The following FOXP1 variants were observed in gnomAD, a reference collection of about 807,000 sequenced individuals.
FOXP1 encodes forkhead box protein P1.
Under a neutral mutation model 98.2 loss-of-function variants are expected in FOXP1, and 15 were observed. The ratio of observed to expected loss-of-function variants is 0.15; its 90% confidence interval spans 0.10 to 0.24. The LOEUF (loss-of-function observed/expected upper bound fraction) is 0.24. Ranked by LOEUF, FOXP1 falls within the 10% of genes least tolerant of loss-of-function variation. The probability of loss-of-function intolerance (pLI) is 1.00; values close to 1 mark genes in which losing one functional copy is unlikely to be tolerated. For synonymous variants in FOXP1, 371 were observed against 314.5 expected (o/e 1.18, Z -1.90); for missense variants, 633 against 848.5 (o/e 0.75, Z 3.15).
intron 6 of FOXP1, among the ~76,000 whole-genome samples, chr3:71,195,590 C>A (rs1338254089): frequency 1.3e-5 from 2 of 152,208 alleles, no homozygotes; most frequent in Non-Finnish European, 2.9e-5. Context: ...AAAGCTGTAA[C>A]CCCTGTTGTC....
chr3:71,102,071 G>A (rs2057015382), intron 7 of FOXP1, among the ~76,000 whole-genome samples: 1 of 152,100 alleles, frequency 6.6e-6, no homozygotes, highest in Admixed American at 6.6e-5. Context: ...AATTTACCGG[G>A]CAATAATTTC....
chr3:71,205,508 T>TAA (rs138549754), intron 5 of FOXP1, among the ~76,000 whole-genome samples: 1 of 150,890 alleles, frequency 6.6e-6, no homozygotes, highest in Admixed American at 6.6e-5. Context: ...AAGCATGTTT[T>TAA]AAAAAAAAAC....
At chr3:71,045,086 C>T (rs570205132) in intron 10 of FOXP1, among the ~76,000 whole-genome samples, 11 of 152,306 alleles carry the variant, frequency 7.2e-5, no homozygotes, top group African/African-American at 2.6e-4. Context: ...GTTCACTTTA[C>T]TGCAAGAACC....
intron 5 of FOXP1, among the ~76,000 whole-genome samples, chr3:71,208,964 A>G (rs1460060796): frequency 6.6e-6 from 1 of 152,222 alleles, no homozygotes; most frequent in Non-Finnish European, 1.5e-5. Context: ...TTGGAGACCA[A>G]GCCTGCTTGT....
chr3:70,972,697 A>G, intron 17 of FOXP1, 21 bp from the exon 18 acceptor site: 1 of 1,613,278 alleles, frequency 6.2e-7, no homozygotes, highest in Non-Finnish European at 8.5e-7. Context: ...TATAAAAGAG[A>G]GAACATTTAC....
At chr3:71,204,874 C>G (rs2063919265) in intron 5 of FOXP1, among the ~76,000 whole-genome samples, 1 of 152,212 alleles carries the variant, frequency 6.6e-6, no homozygotes, top group African/African-American at 2.4e-5. Context: ...TACAGACACA[C>G]CATTTGTCTA....
intron 7 of FOXP1, among the ~76,000 whole-genome samples, chr3:71,111,256 T>A (rs2057895255): frequency 6.6e-6 from 1 of 152,206 alleles, no homozygotes; most frequent in Admixed American, 6.5e-5. Flanking sequence ...GATGCCCACC[T>A]TCAGCTATGA....
chr3:71,130,609 G>T, intron 6 of FOXP1: 1 of 1,598,236 alleles, frequency 6.3e-7, no homozygotes, highest in Non-Finnish European at 8.5e-7. Flanking sequence ...TTGCCGAGTG[G>T]TAAAAAAGAT....
chr3:71,238,385 C>A (rs529467842), intron 5 of FOXP1, among the ~76,000 whole-genome samples: 1 of 152,184 alleles, frequency 6.6e-6, no homozygotes, highest in Non-Finnish European at 1.5e-5. Context: ...ACACTACTGC[C>A]GTTCAATAAA....
chr3:71,388,862 C>G (rs1363779547), intron 3 of FOXP1, among the ~76,000 whole-genome samples: 1 of 152,078 alleles, frequency 6.6e-6, no homozygotes. Flanking sequence ...AATGTTCTGA[C>G]CCTAAATCTA....
rs1463464876 is a variant in FOXP1, at chr3:71,152,658, TGACTCTC to T, written c.181-40028_181-40022del. On this transcript the variant is annotated intron_variant, in intron 6 of 20. Transcript: ENST00000649528. ...GTTCTATGACCTTGAGGAAGTAACC[TGACTCTC>T]TGAGGCTCTGTTTCCTTATCTGAAA... 9.9e-5 allele frequency among the ~76,000 whole-genome samples: 15 copies of T among 152,228 alleles called. 1 individual carries two copies. The East Asian group carries it at 1.2e-3, about 12-fold the overall frequency.
chr3:71,461,855 T>TGTAA (rs1356052125), intron 3 of FOXP1, among the ~76,000 whole-genome samples: 1 of 150,856 alleles, frequency 6.6e-6, no homozygotes, highest in African/African-American at 2.4e-5. Context: ...ACCACAGGTC[T>TGTAA]CTGGTATCAC....
chr3:71,318,238 A>G (rs1415490699), intron 4 of FOXP1, among the ~76,000 whole-genome samples: 3 of 151,740 alleles, frequency 2.0e-5, no homozygotes, highest in Non-Finnish European at 4.4e-5. Context: ...AGAAGGAACA[A>G]GTCCCCTCTT....
At chr3:71,040,303 T>TA (rs1235360373) in intron 11 of FOXP1, 1 of 152,186 alleles carries the variant, frequency 6.6e-6, no homozygotes, top group African/African-American at 2.4e-5. Context: ...CCATTTTTAT[T>TA]AAAAAACACA....
At chr3:71,461,944 A>T (rs1269255239) in intron 3 of FOXP1, among the ~76,000 whole-genome samples, 1 of 152,186 alleles carries the variant, frequency 6.6e-6, no homozygotes, top group Non-Finnish European at 1.5e-5. Context: ...GAGAGAACTT[A>T]ACCCTCCCCA....
intron 3 of FOXP1, among the ~76,000 whole-genome samples, chr3:71,409,625 T>C (rs1249625470): frequency 6.6e-6 from 1 of 151,478 alleles, no homozygotes; most frequent in Non-Finnish European, 1.5e-5. Flanking sequence ...TATTCTGACA[T>C]TAACAGTGAG....
intron 5 of FOXP1, among the ~76,000 whole-genome samples, chr3:71,258,394 G>A (rs558397785): frequency 3.7e-4 from 57 of 152,342 alleles, no homozygotes; most frequent in African/African-American, 1.2e-3. Flanking sequence ...AGAAGTTCAA[G>A]GGTAGGGCAA....
chr3:71,448,615 C>T (rs2086664950), intron 3 of FOXP1, among the ~76,000 whole-genome samples: 1 of 151,976 alleles, frequency 6.6e-6, no homozygotes, highest in Admixed American at 6.6e-5. Context: ...ATAATGGTAC[C>T]CGCAAAAAGG....
Position 70,956,818 on chromosome 3 carries a change from G to A in FOXP1, c.*2429C>T, listed in dbSNP as rs1278236380. 1.7e-5 allele frequency: 3 copies of A among 181,048 alleles called. No individual in the cohort carries two copies. Among genetic ancestry groups the A allele is most frequent in the African/African-American group, 8.4e-5 (3 of 35,814 alleles). 11.2% of individuals were successfully genotyped at this position (181,048 alleles called of 1,614,324 possible). A position where few individuals can be genotyped will look rare whatever the true frequency, so the allele number is the denominator to read the frequency against. ...GACTGCCCTTTATACAGAAAGCAGA[G>A]TGAAGCTTCAAAAGTAACTGCCAGA... On this transcript the variant is annotated 3_prime_UTR_variant, in exon 21 of 21. Coordinates refer to ENST00000649528, the MANE Select transcript of FOXP1 (RefSeq NM_001349338.3).
Sources: gnomAD v4.1 joint callset for allele counts (sites outside exome capture counted in the v4.1 genomes callset) on GRCh38, gnomAD v4.1.1 for gene constraint, MANE v1.5 for transcripts, NCBI Gene and HGNC (gene_info 2026-07-23, HGNC 2026-07-21) for gene names.